The following C1QTNF7 variants were observed in gnomAD, a reference collection of about 807,000 sequenced individuals.
C1QTNF7 encodes the protein C1q and TNF related 7, also known as complement C1q tumor necrosis factor-related protein 7.
C1QTNF7 carries 15 observed loss-of-function variants against 19.6 expected under a neutral mutation model. That is an observed-to-expected ratio of 0.76 (90% CI 0.51 to 1.18). C1QTNF7 has a LOEUF of 1.18. Ranked by LOEUF, C1QTNF7 falls within the 50% of genes most tolerant of loss-of-function variation. The probability of loss-of-function intolerance (pLI) is 0.00; values close to 1 mark genes in which losing one functional copy is unlikely to be tolerated. For missense variants in C1QTNF7, 324 were observed against 359.7 expected (o/e 0.90, Z 0.80); for synonymous variants, 142 against 137.5 (o/e 1.03, Z -0.23).
At chr4:15,409,425 C>T (rs1194136441) in intron 1 of C1QTNF7, among the ~76,000 whole-genome samples, 1 of 152,158 alleles carries the variant, frequency 6.6e-6, no homozygotes, top group Non-Finnish European at 1.5e-5. Context: ...TTATTTAGTG[C>T]TCCTTATTTA....
chr4:15,399,207 A>G (rs752919067), intron 1 of C1QTNF7, among the ~76,000 whole-genome samples: 4 of 152,202 alleles, frequency 2.6e-5, no homozygotes, highest in Non-Finnish European at 5.9e-5. Flanking sequence ...TCTATTGGGA[A>G]ACTGCCCTTC....
chr4:15,396,429 T>G (rs1471706231), intron 1 of C1QTNF7, among the ~76,000 whole-genome samples: 1 of 152,180 alleles, frequency 6.6e-6, no homozygotes, highest in African/African-American at 2.4e-5. Flanking sequence ...AGTACAATTG[T>G]GCACTATCTT....
intron 1 of C1QTNF7, among the ~76,000 whole-genome samples, chr4:15,353,462 G>A (rs1335466859): frequency 6.6e-6 from 1 of 152,134 alleles, no homozygotes; most frequent in Non-Finnish European, 1.5e-5. Context: ...AATTTGAGAG[G>A]AGCCATGTGA....
intron 1 of C1QTNF7, among the ~76,000 whole-genome samples, chr4:15,377,816 C>T (rs898259171): frequency 3.9e-5 from 6 of 152,162 alleles, no homozygotes; most frequent in Admixed American, 3.9e-4. Context: ...ACATCACTTA[C>T]CTCTTAGTTT....
intron 1 of C1QTNF7, among the ~76,000 whole-genome samples, chr4:15,387,825 T>C (rs1013657480): frequency 6.6e-6 from 1 of 152,184 alleles, no homozygotes; most frequent in African/African-American, 2.4e-5. Context: ...CATACACGAC[T>C]AGATTACTAT....
chr4:15,440,504 T>G (rs900386350), intron 2 of C1QTNF7, among the ~76,000 whole-genome samples: 1 of 149,126 alleles, frequency 6.7e-6, no homozygotes, highest in South Asian at 2.1e-4. Flanking sequence ...GCCTCCCGGG[T>G]TCAAGCAATT....
chr4:15,403,489 G>A (rs1217791635), intron 1 of C1QTNF7, among the ~76,000 whole-genome samples: 2 of 152,138 alleles, frequency 1.3e-5, no homozygotes, highest in African/African-American at 4.8e-5. Context: ...GGTGGCTACA[G>A]GCAATCCTTG....
chr4:15,347,291 T>C (rs1396076395), intron 1 of C1QTNF7, among the ~76,000 whole-genome samples: 1 of 152,206 alleles, frequency 6.6e-6, no homozygotes, highest in Non-Finnish European at 1.5e-5. Flanking sequence ...CTCCTTCCAT[T>C]AATATACCAC....
chr4:15,341,578 T>C (rs1716538410), intron 1 of C1QTNF7, among the ~76,000 whole-genome samples: 2 of 152,174 alleles, frequency 1.3e-5, no homozygotes, highest in Admixed American at 1.3e-4. Context: ...CGACTGCCAA[T>C]TCCTTATCCT....
chr4:15,353,904 T>C (rs932629918), intron 1 of C1QTNF7, among the ~76,000 whole-genome samples: 3 of 152,126 alleles, frequency 2.0e-5, no homozygotes, highest in South Asian at 2.1e-4. Flanking sequence ...TAAAAAGAAA[T>C]ACATCATACA....
chr4:15,436,065 G>C, intron 2 of C1QTNF7, 84 bp downstream of exon 2: 2 of 1,524,216 alleles, frequency 1.3e-6, no homozygotes, highest in South Asian at 2.7e-5. Context: ...TTTTCTAATG[G>C]GAATTGCTCC....
chr4:15,371,171 G>C lies in C1QTNF7; in HGVS notation c.13+30964G>C, dbSNP rs894981242. Among the ~76,000 whole-genome samples, 4 of 152,224 alleles carry C rather than the reference G, an allele frequency of 2.6e-5. No homozygotes were observed. The South Asian group carries it at 6.2e-4, about 24-fold the overall frequency. On this transcript the variant is annotated intron_variant, in intron 1 of 2. Coordinates refer to the C1QTNF7 transcript ENST00000295297. ...CTGCCCTTGCAGGAACCCAGGCATT[G>C]ACCAGCAGACAGCAGATGCGACCCA...
chr4:15,392,272 A>C (rs994303912), intron 1 of C1QTNF7, among the ~76,000 whole-genome samples: 1 of 152,152 alleles, frequency 6.6e-6, no homozygotes, highest in Non-Finnish European at 1.5e-5. Context: ...CATCAGATCC[A>C]TGATTCACAC....
intron 1 of C1QTNF7, among the ~76,000 whole-genome samples, chr4:15,391,225 C>A (rs1441753936): frequency 6.6e-6 from 1 of 151,768 alleles, no homozygotes; most frequent in African/African-American, 2.4e-5. Flanking sequence ...ACCAGCAACT[C>A]CAGGTCTACA....
intron 1 of C1QTNF7, among the ~76,000 whole-genome samples, chr4:15,433,881 C>T (rs1454575105): frequency 6.6e-6 from 1 of 152,172 alleles, no homozygotes; most frequent in African/African-American, 2.4e-5. Flanking sequence ...TTTCTCATTC[C>T]TTCTCAAAGC....
chr4:15,433,509 T>A (rs1173858610), intron 1 of C1QTNF7, among the ~76,000 whole-genome samples: 2 of 152,190 alleles, frequency 1.3e-5, no homozygotes, highest in East Asian at 3.9e-4. Flanking sequence ...CTTAAGTGAT[T>A]AGGCACCAAC....
intron 1 of C1QTNF7, among the ~76,000 whole-genome samples, chr4:15,341,270 C>T (rs748988192): frequency 6.6e-6 from 1 of 152,160 alleles, no homozygotes; most frequent in Admixed American, 6.5e-5. Flanking sequence ...ATTAGCAAGG[C>T]GAATTTCTCA....
At chr4:15,441,392 T>C (rs1174128221) in intron 2 of C1QTNF7, among the ~76,000 whole-genome samples, 5 of 152,228 alleles carry the variant, frequency 3.3e-5, no homozygotes, top group African/African-American at 4.8e-5. Flanking sequence ...TGGAACATAG[T>C]AAATCCTTCA....
intron 1 of C1QTNF7, among the ~76,000 whole-genome samples, chr4:15,359,988 G>A (rs115113783): frequency 8.1e-4 from 123 of 152,302 alleles, no homozygotes; most frequent in Non-Finnish European, 1.3e-3. Context: ...AGTCCCTCAC[G>A]CTGTCTAGGC....
Sources: gnomAD v4.1 joint callset for allele counts (sites outside exome capture counted in the v4.1 genomes callset) on GRCh38, gnomAD v4.1.1 for gene constraint, MANE v1.5 for transcripts, NCBI Gene and HGNC (gene_info 2026-07-23, HGNC 2026-07-21) for gene names.